PDSS2: variants seen among roughly 807,000 people sequenced by gnomAD.
The protein encoded by PDSS2 is all trans-polyprenyl-diphosphate synthase PDSS2.
PDSS2 carries 31 observed loss-of-function variants against 44.5 expected under a neutral mutation model. That is an observed-to-expected ratio of 0.70 (90% CI 0.52 to 0.94). The LOEUF (loss-of-function observed/expected upper bound fraction) is 0.94, where lower values mean the gene tolerates loss of function less well. Among genes scored for constraint, PDSS2 ranks in the 40% least tolerant of loss-of-function variants. The probability of loss-of-function intolerance (pLI) is 0.00; values close to 1 mark genes in which losing one functional copy is unlikely to be tolerated. For synonymous variants in PDSS2, 157 were observed against 180.3 expected, an observed-to-expected ratio of 0.87 and a Z score of 1.03; for missense variants, 452 against 482.2, an observed-to-expected ratio of 0.94 and a Z score of 0.59.
chr6:107,185,862 A>T (rs1772147331), intron 7 of PDSS2, among the ~76,000 whole-genome samples: 1 of 152,176 alleles, frequency 6.6e-6, no homozygotes, highest in South Asian at 2.1e-4. Flanking sequence ...ACAGTCTGAG[A>T]TGTGCACCTA....
At chr6:107,457,159 G>C (rs994392311) in intron 1 of PDSS2, among the ~76,000 whole-genome samples, 6 of 152,120 alleles carry the variant, frequency 3.9e-5, no homozygotes, top group Non-Finnish European at 7.3e-5. Context: ...AATGACAGGT[G>C]CCTCGAAAAA....
rs1554248559 is a variant in PDSS2 at position 107,171,293 on chromosome 6, C to G, written c.1042-16516G>C. On this transcript the variant is annotated intron_variant, in intron 7 of 7. Coordinates refer to ENST00000369037, the MANE Select transcript of PDSS2 (RefSeq NM_020381.4). Reference sequence around the variant, plus strand: ...CCTCTCACTTTAGCCTCCTGAGTAGCTGGCACTACAGGCACGTGCCACCAT... The same window carrying G: ...CCTCTCACTTTAGCCTCCTGAGTAGGTGGCACTACAGGCACGTGCCACCAT... 2.0e-5 allele frequency among the ~76,000 whole-genome samples: 3 copies of G among 152,116 alleles called. No homozygotes were observed. In the South Asian group the frequency reaches 6.2e-4, roughly 31 times the overall value.
At chr6:107,290,220 G>A (rs1010903954) in intron 2 of PDSS2, among the ~76,000 whole-genome samples, 2 of 152,220 alleles carry the variant, frequency 1.3e-5, no homozygotes, top group African/African-American at 4.8e-5. Context: ...TAATTTAGGA[G>A]TGAAATGATT....
intron 1 of PDSS2, among the ~76,000 whole-genome samples, chr6:107,385,945 T>C (rs1779599054): frequency 6.6e-6 from 1 of 152,134 alleles, no homozygotes. Context: ...AAATCATATG[T>C]AGGATGTAAA....
chr6:107,410,683 T>C (rs1352846332), intron 1 of PDSS2, among the ~76,000 whole-genome samples: 1 of 152,096 alleles, frequency 6.6e-6, no homozygotes, highest in African/African-American at 2.4e-5. Context: ...AGATGGGGCT[T>C]CACCATGTTG....
Position 107,305,464 on chromosome 6 carries a change from G to C in PDSS2, c.431+28734C>G, listed in dbSNP as rs533842454. On this transcript the variant is annotated intron_variant, in intron 2 of 7. Transcript: ENST00000369037. ...AAAAATTTTGTTATAAGAAAGCTCT[G>C]ATTTTGAATCCTGGCTTCATTTTCT... 4.6e-5 allele frequency among the ~76,000 whole-genome samples: 7 copies of C among 152,222 alleles called. No homozygotes were observed. The South Asian group carries it at 1.5e-3, about 32-fold the overall frequency.
intron 2 of PDSS2, among the ~76,000 whole-genome samples, chr6:107,304,034 T>C (rs763420603): frequency 2.0e-5 from 3 of 152,246 alleles, no homozygotes; most frequent in Non-Finnish European, 4.4e-5. Context: ...ACTTATGCCC[T>C]GACATCAGCC....
chr6:107,277,813 C>T (rs554118212), intron 2 of PDSS2, among the ~76,000 whole-genome samples: 16 of 151,898 alleles, frequency 1.1e-4, no homozygotes, highest in African/African-American at 2.9e-4. Context: ...ATTAGCCAGG[C>T]GTGTTGGCGG....
chr6:107,335,786 C>CA (rs1777867355), intron 1 of PDSS2, among the ~76,000 whole-genome samples: 1 of 152,008 alleles, frequency 6.6e-6, no homozygotes, highest in Admixed American at 6.6e-5. Flanking sequence ...GAGCACTAAT[C>CA]AAATAGATTA....
intron 6 of PDSS2, chr6:107,198,017 T>A: frequency 2.3e-6 from 1 of 438,560 alleles, no homozygotes; most frequent in Non-Finnish European, 4.7e-6. Context: ...GTAAGAAGAG[T>A]GAATATAATA....
intron 4 of PDSS2, among the ~76,000 whole-genome samples, chr6:107,216,832 A>G (rs1259197011): frequency 6.6e-6 from 1 of 152,190 alleles, no homozygotes; most frequent in Non-Finnish European, 1.5e-5. Flanking sequence ...GCCTTACCAG[A>G]TACTATAACA....
chr6:107,457,616 G>T (rs998259818), intron 1 of PDSS2, among the ~76,000 whole-genome samples: 1 of 152,100 alleles, frequency 6.6e-6, no homozygotes, highest in Non-Finnish European at 1.5e-5. Context: ...ATGTCCTCAG[G>T]GGGGGAAAAT....
At chr6:107,405,618 C>A (rs972957539) in intron 1 of PDSS2, among the ~76,000 whole-genome samples, 1 of 151,930 alleles carries the variant, frequency 6.6e-6, no homozygotes, top group Non-Finnish European at 1.5e-5. Context: ...GAGGCCGAGG[C>A]GGGCGGATCA....
rs1482966135 is a variant in PDSS2, at chr6:107,259,185, TA to T, written c.631-13567del. On this transcript the variant is annotated intron_variant, in intron 3 of 7. Coordinates refer to ENST00000369037, the MANE Select transcript of PDSS2 (RefSeq NM_020381.4). ...TTGTTATTTCTAAAATATTTGATGGTAATTTTAATGATTAAATTTTCTACAA... is the reference window on the plus strand; with the variant it reads ...TTGTTATTTCTAAAATATTTGATGGTATTTTAATGATTAAATTTTCTACAA... 3.3e-5 allele frequency among the ~76,000 whole-genome samples: 5 copies of T among 152,230 alleles called. 1 individual carries two copies. The East Asian group carries it at 7.7e-4, about 23-fold the overall frequency.
chr6:107,276,124 G>GAAA (rs1775774129), intron 2 of PDSS2, among the ~76,000 whole-genome samples: 1 of 12,690 alleles, frequency 7.9e-5, no homozygotes, highest in Non-Finnish European at 2.5e-4. Context: ...CAAAAAAAAG[G>GAAA]AAAGAAAAGA....
intron 7 of PDSS2, among the ~76,000 whole-genome samples, chr6:107,183,871 G>C (rs1195350075): frequency 1.3e-5 from 2 of 151,082 alleles, no homozygotes; most frequent in African/African-American, 4.9e-5. Flanking sequence ...TTCCAGCCTG[G>C]GCAACAGAGT....
intron 7 of PDSS2, among the ~76,000 whole-genome samples, chr6:107,158,338 C>T (rs1554246089): frequency 2.0e-5 from 3 of 152,006 alleles, no homozygotes; most frequent in African/African-American, 7.2e-5. Context: ...GCGCCTACCA[C>T]TACACCTGGC....
chr6:107,276,160 G>T (rs62430067), intron 2 of PDSS2, among the ~76,000 whole-genome samples: 24,693 of 144,344 alleles, frequency 0.17, 2,339 homozygotes, highest in South Asian at 0.2. Context: ...AAGCTCAGAA[G>T]GTAGAGCCAA....
intron 4 of PDSS2, among the ~76,000 whole-genome samples, chr6:107,231,842 A>T (rs766431440): frequency 1.3e-5 from 2 of 152,032 alleles, no homozygotes; most frequent in Non-Finnish European, 2.9e-5. Context: ...CGCACCTGTA[A>T]TCCCAGCTAT....
Sources: allele counts gnomAD v4.1 joint callset (sites outside exome capture counted in the v4.1 genomes callset), GRCh38; gene constraint gnomAD v4.1.1; transcripts MANE v1.5; gene names NCBI Gene and HGNC (gene_info 2026-07-23, HGNC 2026-07-21).